The following DYNC1I2 variants were observed in gnomAD, a reference collection of about 807,000 sequenced individuals.
DYNC1I2 encodes cytoplasmic dynein 1 intermediate chain 2.
DYNC1I2 carries 53 observed loss-of-function variants against 88.6 expected under a neutral mutation model. The ratio of observed to expected loss-of-function variants is 0.60; its 90% CI spans 0.48 to 0.75. The LOEUF (loss-of-function observed/expected upper bound fraction) is 0.75. DYNC1I2 is among the 30% of genes least tolerant of loss of function. DYNC1I2 has a pLI of 0.00. For synonymous variants in DYNC1I2, 198 were observed against 254.6 expected (o/e 0.78, Z 2.12); for missense variants, 458 against 766.6 (o/e 0.60, Z 4.75).
chr2:171,695,320 C>T (rs1034078890), intron 3 of DYNC1I2, among the ~76,000 whole-genome samples: 5 of 152,040 alleles, frequency 3.3e-5, no homozygotes, highest in South Asian at 4.2e-4. Flanking sequence ...AGGCTGGTCT[C>T]GAACTCCTGA....
At chr2:171,691,417 C>G (rs1685396386) in intron 2 of DYNC1I2, among the ~76,000 whole-genome samples, 1 of 151,996 alleles carries the variant, frequency 6.6e-6, no homozygotes, top group Non-Finnish European at 1.5e-5. Context: ...TCTTTAGGAC[C>G]AAGTTTTTAT....
intron 3 of DYNC1I2, among the ~76,000 whole-genome samples, chr2:171,698,270 C>G (rs1246397328): frequency 6.6e-6 from 1 of 152,190 alleles, no homozygotes; most frequent in Non-Finnish European, 1.5e-5. Flanking sequence ...CTCTCAATAA[C>G]TAGGGGTTTT....
At chr2:171,746,723 TA>T (rs980534704) in intron 17 of DYNC1I2, among the ~76,000 whole-genome samples, 2 of 152,196 alleles carry the variant, frequency 1.3e-5, no homozygotes, top group African/African-American at 4.8e-5. Flanking sequence ...TACAACTGCG[TA>T]ACTGAATTTT....
chr2:171,713,006 T>G (rs1022613249), intron 6 of DYNC1I2, among the ~76,000 whole-genome samples, 180 bp downstream of exon 6: 1 of 152,176 alleles, frequency 6.6e-6, no homozygotes, highest in African/African-American at 2.4e-5. Flanking sequence ...CTGTGTGATG[T>G]TCTATGTACC....
At chr2:171,694,652 C>G (rs753660168) in intron 3 of DYNC1I2, among the ~76,000 whole-genome samples, 1 of 151,560 alleles carries the variant, frequency 6.6e-6, no homozygotes, top group Non-Finnish European at 1.5e-5. Flanking sequence ...AGTGAAACTC[C>G]GTCTCAAAAA....
chr2:171,693,238 C>T (rs1280074190), intron 3 of DYNC1I2, among the ~76,000 whole-genome samples: 1 of 152,108 alleles, frequency 6.6e-6, no homozygotes, highest in Non-Finnish European at 1.5e-5. Context: ...CTCTATATTC[C>T]TTTCTGGAGA....
intron 15 of DYNC1I2, among the ~76,000 whole-genome samples, chr2:171,741,293 A>G (rs1689410524): frequency 6.6e-6 from 1 of 152,184 alleles, no homozygotes; most frequent in Admixed American, 6.5e-5. Flanking sequence ...TCTCGGGTAT[A>G]TACCTAGGAG....
chr2:171,745,119 T>A (rs377526547), intron 16 of DYNC1I2, among the ~76,000 whole-genome samples: 2 of 152,208 alleles, frequency 1.3e-5, no homozygotes, highest in South Asian at 2.1e-4. Context: ...ATTTCAAAAT[T>A]TTTTAAAAAT....
chr2:171,738,669 T>C (rs1689179172), intron 15 of DYNC1I2, among the ~76,000 whole-genome samples: 1 of 152,136 alleles, frequency 6.6e-6, no homozygotes, highest in Admixed American at 6.6e-5. Flanking sequence ...AAATAAGCTG[T>C]TTTTGAAGAA....
At chr2:171,734,062 C>A (rs1423436510) in intron 15 of DYNC1I2, among the ~76,000 whole-genome samples, 1 of 152,086 alleles carries the variant, frequency 6.6e-6, no homozygotes, top group Non-Finnish European at 1.5e-5. Context: ...AATCTATTCC[C>A]CATTGCTTGT....
intron 1 of DYNC1I2, 55 bp from the exon 2 acceptor site, chr2:171,690,092 A>G: frequency 2.7e-6 from 3 of 1,130,286 alleles, no homozygotes; most frequent in Non-Finnish European, 3.8e-6. Context: ...TTCTTGGAAC[A>G]CTAGTTTTTT....
At chr2:171,690,654 G>GTT (rs1212125870) in intron 2 of DYNC1I2, among the ~76,000 whole-genome samples, 52 of 136,034 alleles carry the variant, frequency 3.8e-4, no homozygotes, top group South Asian at 7.0e-4. Flanking sequence ...TTTGTTTTGG[G>GTT]TTTTTTTTTT....
chr2:171,719,130 G>A (rs1389306795), intron 7 of DYNC1I2, among the ~76,000 whole-genome samples: 1 of 151,968 alleles, frequency 6.6e-6, no homozygotes. Context: ...CTTTGGATTT[G>A]TTGTCCTTTT....
In DYNC1I2 at chr2:171,727,939, G is replaced by T. The variant is rs1284982917; in HGVS notation, c.1115G>T (p.Arg372Ile). The T allele has an allele frequency of 6.2e-7, 1 of 1,613,220 alleles. No individual in the cohort carries two copies. The highest frequency in any genetic ancestry group is 8.5e-7 in the Non-Finnish European group (1 of 1,179,392). Residue 372 changes from arginine (R) to isoleucine (I), a missense_variant, in exon 12 of 18, where the codon AGA becomes ATA. Physicochemically the swap from Arg to Ile is moderately conservative, Grantham distance 97. Coordinates refer to ENST00000397119, the MANE Select transcript of DYNC1I2 (RefSeq NM_001378.3). Reference sequence around the variant, plus strand: ...AGCAATAAAAGAACTCCAGTGCAAAGAACTCCACTGTCAGCAGCTGCACAC... The same window carrying T: ...AGCAATAAAAGAACTCCAGTGCAAATAACTCCACTGTCAGCAGCTGCACAC... ...NRSNKRTPVQ[R>I]TPLSAAAHTH...
At chr2:171,716,901 G>A (rs1226640060) in intron 7 of DYNC1I2, among the ~76,000 whole-genome samples, 4 of 9,274 alleles carry the variant, frequency 4.3e-4, no homozygotes, top group Admixed American at 4.8e-4. Context: ...GCAAGACTCC[G>A]TTTAAAAAAA....
At chr2:171,735,963 AG>A (rs1305509573) in intron 15 of DYNC1I2, among the ~76,000 whole-genome samples, 7 of 152,194 alleles carry the variant, frequency 4.6e-5, no homozygotes, top group African/African-American at 1.7e-4. Context: ...ATTTCTTGGA[AG>A]GGGGAGTTTT....
chr2:171,714,787 A>T (rs1261497407), intron 6 of DYNC1I2, among the ~76,000 whole-genome samples: 1 of 152,198 alleles, frequency 6.6e-6, no homozygotes, highest in African/African-American at 2.4e-5. Context: ...GAGATTTAAA[A>T]GTTTTAAATA....
intron 4 of DYNC1I2, 88 bp downstream of exon 4, chr2:171,706,652 T>A: frequency 7.9e-7 from 1 of 1,258,478 alleles, no homozygotes; most frequent in South Asian, 1.3e-5. Context: ...GCTGTTTTAT[T>A]GCCTGTTTGC....
intron 7 of DYNC1I2, among the ~76,000 whole-genome samples, chr2:171,720,342 G>A (rs1687818571): frequency 6.6e-6 from 1 of 152,140 alleles, no homozygotes; most frequent in Non-Finnish European, 1.5e-5. Flanking sequence ...TTTATTGTGT[G>A]TAGAATATTA....
Sources: gnomAD v4.1 joint callset for allele counts (sites outside exome capture counted in the v4.1 genomes callset) on GRCh38, gnomAD v4.1.1 for gene constraint, MANE v1.5 for transcripts, NCBI Gene and HGNC (gene_info 2026-07-23, HGNC 2026-07-21) for gene names.